Variants in CDH18 observed in about 807,000 individuals in gnomAD.
CDH18 encodes the protein cadherin-18.
CDH18 carries 31 observed loss-of-function variants against 67.9 expected under a neutral mutation model. That is an observed-to-expected ratio of 0.46 (90% CI 0.34 to 0.62). CDH18 has a LOEUF of 0.62. Among genes scored for constraint, CDH18 ranks in the 20% least tolerant of loss-of-function variants. The pLI, the probability that CDH18 is intolerant of heterozygous loss-of-function variation, is 0.01. For missense variants in CDH18, 890 were observed against 975.5 expected, an observed-to-expected ratio of 0.91 and a Z score of 1.17; for synonymous variants, 362 against 347.2, an observed-to-expected ratio of 1.04 and a Z score of -0.48.
intron 2 of CDH18, among the ~76,000 whole-genome samples, chr5:20,005,364 C>T (rs1736803954): frequency 6.6e-6 from 1 of 150,730 alleles, no homozygotes; most frequent in Non-Finnish European, 1.5e-5. Context: ...AACATGAAAA[C>T]TTCAGGAATT....
At chr5:20,435,646 C>T (rs1364864212) in intron 1 of CDH18, among the ~76,000 whole-genome samples, 1 of 152,006 alleles carries the variant, frequency 6.6e-6, no homozygotes, top group Non-Finnish European at 1.5e-5. Context: ...CCAGCTTCTA[C>T]AGTGCTTCCT....
chr5:19,550,069 G>A (rs1561323214), intron 8 of CDH18, among the ~76,000 whole-genome samples: 1 of 151,930 alleles, frequency 6.6e-6, no homozygotes. Context: ...AATCTGGTTT[G>A]GAATTCCTTC....
At chr5:19,975,810 T>C (rs1431083658) in intron 2 of CDH18, among the ~76,000 whole-genome samples, 1 of 152,166 alleles carries the variant, frequency 6.6e-6, no homozygotes, top group Non-Finnish European at 1.5e-5. Context: ...AGTGTCCTAG[T>C]TTACTTCTTT....
At chr5:19,793,634 T>C (rs940376992) in intron 3 of CDH18, among the ~76,000 whole-genome samples, 3 of 151,962 alleles carry the variant, frequency 2.0e-5, no homozygotes, top group African/African-American at 7.2e-5. Context: ...AACAAGAAAA[T>C]GAAGAGTTTA....
intron 1 of CDH18, among the ~76,000 whole-genome samples, chr5:20,478,352 C>G (rs144726573): frequency 1.8e-4 from 28 of 152,290 alleles, no homozygotes; most frequent in African/African-American, 6.7e-4. Flanking sequence ...TGGACGCACC[C>G]TGGGCCAGAG....
chr5:19,861,542 T>G (rs1015306363), intron 2 of CDH18, among the ~76,000 whole-genome samples: 1 of 152,134 alleles, frequency 6.6e-6, no homozygotes, highest in African/African-American at 2.4e-5. Flanking sequence ...AGTCTTTGGA[T>G]TTTTGTTGAG....
intron 1 of CDH18, among the ~76,000 whole-genome samples, chr5:20,413,854 T>C (rs530389445): frequency 1.3e-5 from 2 of 152,320 alleles, no homozygotes; most frequent in East Asian, 3.9e-4. Flanking sequence ...TTGTTGCCAT[T>C]GCTTTTGGTG....
chr5:19,588,986 C>A (rs1744667364), intron 7 of CDH18, among the ~76,000 whole-genome samples: 1 of 152,020 alleles, frequency 6.6e-6, no homozygotes, highest in African/African-American at 2.4e-5. Flanking sequence ...TGAGACAGAT[C>A]ATCAAGACAG....
intron 1 of CDH18, among the ~76,000 whole-genome samples, chr5:20,529,268 GAA>G (rs202161535): frequency 1.4e-5 from 2 of 142,706 alleles, no homozygotes; most frequent in African/African-American, 5.1e-5. Context: ...TACCAATGGG[GAA>G]AAAAAAAAAG....
At chr5:20,533,404 T>C (rs1033551711) in intron 1 of CDH18, among the ~76,000 whole-genome samples, 1 of 152,160 alleles carries the variant, frequency 6.6e-6, no homozygotes, top group Non-Finnish European at 1.5e-5. Context: ...TTTATTTCTA[T>C]ACTTGAAAAT....
intron 2 of CDH18, among the ~76,000 whole-genome samples, chr5:20,003,971 G>T (rs1736671310): frequency 6.6e-6 from 1 of 152,136 alleles, no homozygotes; most frequent in South Asian, 2.1e-4. Context: ...ATTTTTTCTT[G>T]TCAGCAAATC....
rs1165619748 is a variant in CDH18 at position 20,501,787 on chromosome 5, A to G, written c.-580+73675T>C. Among the ~76,000 whole-genome samples the G allele has an allele frequency of 9.1e-5, 13 of 143,072 alleles. No individual in the cohort carries two copies. In the Admixed American group the frequency reaches 9.4e-4, roughly 10 times the overall value. 93.9% of individuals were successfully genotyped at this position (143,072 alleles called of 152,430 possible). ...TTTACAGATTGAATAAGTATAGCCC[A>G]AGTGTACTTGTGCCTATTTACAAAA... On this transcript the variant is annotated intron_variant, in intron 1 of 14. Transcript: ENST00000507958.
At chr5:19,903,617 CTTTTTTTTT>C (rs59678864) in intron 2 of CDH18, among the ~76,000 whole-genome samples, 10 of 89,992 alleles carry the variant, frequency 1.1e-4, no homozygotes, top group Non-Finnish European at 2.1e-4. Flanking sequence ...AGCAAAGTGG[CTTTTTTTTT>C]TTTTTTTTTT....
chr5:20,087,611 G>T (rs1331142644), intron 2 of CDH18, among the ~76,000 whole-genome samples: 1 of 152,042 alleles, frequency 6.6e-6, no homozygotes, highest in Non-Finnish European at 1.5e-5. Flanking sequence ...TCCCCATCAG[G>T]AAAAAAGATT....
At chr5:19,933,408 T>C (rs1005961760) in intron 2 of CDH18, among the ~76,000 whole-genome samples, 5 of 151,668 alleles carry the variant, frequency 3.3e-5, no homozygotes, top group African/African-American at 4.8e-5. Flanking sequence ...CCTTTCCTCA[T>C]CCATCATTAT....
intron 9 of CDH18, among the ~76,000 whole-genome samples, chr5:19,527,125 C>T (rs1747863067): frequency 6.6e-6 from 1 of 151,778 alleles, no homozygotes; most frequent in Admixed American, 6.6e-5. Context: ...TGTTTGTTAA[C>T]AAATATGTTT....
chr5:20,187,301 G>T (rs1738176528), intron 2 of CDH18, among the ~76,000 whole-genome samples: 1 of 151,746 alleles, frequency 6.6e-6, no homozygotes, highest in African/African-American at 2.4e-5. Flanking sequence ...TATTTTACAA[G>T]AATAAGAATA....
chr5:19,680,909 T>G (rs1232066788), intron 5 of CDH18, among the ~76,000 whole-genome samples: 1 of 152,062 alleles, frequency 6.6e-6, no homozygotes, highest in Non-Finnish European at 1.5e-5. Flanking sequence ...ATCCCATTAT[T>G]TGGTACATAC....
At chr5:19,941,032 GT>G (rs1481372785) in intron 2 of CDH18, among the ~76,000 whole-genome samples, 1 of 152,048 alleles carries the variant, frequency 6.6e-6, no homozygotes, top group Non-Finnish European at 1.5e-5. Context: ...CTAAATGTTT[GT>G]GTTTCTCCAC....
Sources: allele counts gnomAD v4.1 joint callset (sites outside exome capture counted in the v4.1 genomes callset), GRCh38; gene constraint gnomAD v4.1.1; transcripts MANE v1.5; gene names NCBI Gene and HGNC (gene_info 2026-07-23, HGNC 2026-07-21).